Variants in PRG4 observed in about 807,000 individuals in gnomAD.
PRG4 encodes proteoglycan 4.
PRG4 carries 61 observed loss-of-function variants against 91.2 expected under a neutral mutation model. The ratio of observed to expected loss-of-function variants is 0.67; its 90% CI spans 0.54 to 0.83. The LOEUF (loss-of-function observed/expected upper bound fraction) is 0.83, where lower values mean the gene tolerates loss of function less well. Ranked by LOEUF, PRG4 falls within the 40% of genes least tolerant of loss-of-function variation. The pLI is 0.00. For synonymous variants in PRG4, 576 were observed against 614.2 expected, an observed-to-expected ratio of 0.94 and a Z score of 0.92; for missense variants, 1,564 against 1,714.2, an observed-to-expected ratio of 0.91 and a Z score of 1.55.
chr1:186,306,885 C>T lies in PRG4; in HGVS notation c.1166C>T (p.Ala389Val). Residue 389 changes from alanine to valine, a missense_variant, in exon 7 of 13, where the codon GCA becomes GTA. By Grantham distance (64) the Ala-to-Val change is moderately conservative. Around this residue, in one of 3 missense-constraint regions of PRG4, gnomAD observed 437 missense variants for 459.0 expected, o/e 0.95. Transcript: ENST00000445192. Reference protein sequence around the residue: ...KEPAPTTTKSAPTTPKEPAPT... With the variant: ...KEPAPTTTKSVPTTPKEPAPT... ...CCTGCACCCACCACCACCAAGTCTG[C>T]ACCCACCACTCCCAAGGAGCCTGCA... 1.2e-6 allele frequency: 2 copies of T among 1,610,274 alleles called. No individual in the cohort carries two copies. Among genetic ancestry groups the T allele is most frequent in the Non-Finnish European group, 1.7e-6 (2 of 1,178,608 alleles).
In PRG4 at chr1:186,304,917, T is replaced by C; in HGVS notation, c.593T>C (p.Leu198Pro). 6.2e-7 allele frequency: 1 copy of C among 1,613,070 alleles called. No homozygotes were observed. The highest frequency in any genetic ancestry group is 1.1e-5 in the South Asian group (1 of 91,002). The change falls in exon 6 of 13, where the codon CTC becomes CCC. Residue 198 changes from leucine (L) to proline (P), a missense_variant. This residue lies in a region of PRG4 where 437 missense variants were observed against 459.0 expected (regional missense o/e 0.95). Transcript: ENST00000445192. ...SAANRELQKK[L>P]KVKDNKKNRT... is the part of the protein sequence containing the mutation. ...GCTAATAGAGAATTACAGAAGAAAC[T>C]CAAAGGTTTGAGCATTGATAAAGAT...
Position 186,308,077 on chromosome 1 carries a change from C to A in PRG4, c.2358C>A (p.Leu786=). 1 of 1,610,348 alleles carries A rather than the reference C, an allele frequency of 6.2e-7. No individual in the cohort carries two copies. Among genetic ancestry groups the A allele is most frequent in the East Asian group, 2.2e-5 (1 of 44,742 alleles). The change falls in exon 7 of 13, where the codon CTC becomes CTA. Residue 786 remains leucine (L), a synonymous_variant. Coordinates refer to ENST00000445192, the MANE Select transcript of PRG4 (RefSeq NM_005807.6). ...TTPKGTAPTT[L]KEPAPTTPKK... is the part of the protein sequence containing the mutation. ...CTAAGGGGACTGCTCCAACTACCCT[C>A]AAGGAACCTGCACCCACTACTCCCA...
In PRG4 at chr1:186,308,365, A is replaced by G. The variant is rs1557955703; in HGVS notation, c.2646A>G (p.Ala882=). The G allele has an allele frequency of 6.2e-7, 1 of 1,614,014 alleles. No individual in the cohort carries two copies. The highest frequency in any genetic ancestry group is 2.2e-5 in the East Asian group (1 of 44,892). ...SPDESTPELS[A]EPTPKALENS... is the part of the protein sequence containing the mutation. ...ATGAATCAACTCCTGAGCTTTCTGC[A>G]GAACCCACACCAAAAGCTCTTGAAA... The change falls in exon 7 of 13, where the codon GCA becomes GCG. Residue 882 remains alanine (A), a synonymous_variant. Transcript: ENST00000445192.
At chr1:186,311,691 TA>T in intron 10 of PRG4, 95 bp downstream of exon 10, 1 of 1,282,216 alleles carries the variant, frequency 7.8e-7, no homozygotes, top group Non-Finnish European at 1.1e-6. Flanking sequence ...AAGATATCTT[TA>T]ATGGCTGAAA....
Position 186,314,069 on chromosome 1 carries a change from A to T in PRG4, c.*291A>T, listed in dbSNP as rs186150247. On this transcript the variant is annotated 3_prime_UTR_variant, in exon 13 of 13. Coordinates refer to ENST00000445192, the MANE Select transcript of PRG4 (RefSeq NM_005807.6). The stretch of plus-strand genomic sequence containing the variant: ...ATCAAATTGAATATATCTTTTAAGA[A>T]TTCAAAACTAGTGTATTCACTTACC... The T allele has an allele frequency of 6.4e-7, 1 of 1,567,496 alleles. No homozygotes were observed.
rs114237256 is a variant in PRG4 at position 186,308,162 on chromosome 1, T to A, written c.2443T>A (p.Ser815Thr). 1.0e-3 allele frequency: 1,604 copies of A among 1,584,942 alleles called. 11 individuals are homozygous for A. The African/African-American group carries it at 0.023, about 22-fold the overall frequency. ...TTTKGPTSTT[S>T]DKPAPTTPKE... Reference sequence around the variant, plus strand: ...CACCAAGGGGCCCACATCCACCACCTCTGACAAGCCTGCTCCAACTACACC... The same window carrying A: ...CACCAAGGGGCCCACATCCACCACCACTGACAAGCCTGCTCCAACTACACC... The change falls in exon 7 of 13, where the codon TCT (serine) becomes ACT (threonine). Residue 815 changes from serine (S) to threonine (T), a missense_variant. Ser to Thr is a moderately conservative substitution (Grantham distance 58, BLOSUM62 1). Coordinates refer to ENST00000445192, the MANE Select transcript of PRG4 (RefSeq NM_005807.6).
chr1:186,297,931 C>A (rs2102006437), intron 2 of PRG4, among the ~76,000 whole-genome samples: 1 of 152,328 alleles, frequency 6.6e-6, no homozygotes, highest in East Asian at 1.9e-4. Flanking sequence ...ATGATGACTA[C>A]TCCAGTATCT....
At position 186,296,889 on chromosome 1, in the gene PRG4, C is replaced by T. The variant is rs1474356792; in HGVS notation, c.14C>T (p.Thr5Ile). The part of the protein sequence containing the change: MAWK[T>I]LPIYLLLLLS... ...CTGAAAACAACGATGGCATGGAAAA[C>T]ACTTCCCATTTACCTGTTGTTGCTG... The change falls in exon 2 of 13, where the codon ACA (threonine) becomes ATA (isoleucine). Residue 5 changes from threonine (T) to isoleucine (I), a missense_variant. By Grantham distance (89) the Thr-to-Ile change is moderately conservative. Coordinates refer to ENST00000445192, the MANE Select transcript of PRG4 (RefSeq NM_005807.6). The T allele has an allele frequency of 6.2e-7, 1 of 1,613,714 alleles. No homozygotes were observed. Among genetic ancestry groups the T allele is most frequent in the African/African-American group, 1.3e-5 (1 of 74,916 alleles).
chr1:186,311,995 A>G (rs1490466799), intron 10 of PRG4, 180 bp from the exon 11 acceptor site: 1 of 590,358 alleles, frequency 1.7e-6, no homozygotes, highest in African/African-American at 1.9e-5. Context: ...TTCAACAAGT[A>G]TTTCAGTTTA....
chr1:186,306,919 CA>C lies in PRG4; in HGVS notation c.1201del (p.Thr401ProfsTer511). On this transcript the variant is annotated frameshift_variant, in exon 7 of 13. Transcript: ENST00000445192. LOFTEE classifies it high-confidence loss of function. Reference sequence around the variant, plus strand: ...CTCCCAAGGAGCCTGCACCCACCACCACCAAGGAGCCTGCACCCACCACTCC... The same window carrying C: ...CTCCCAAGGAGCCTGCACCCACCACCCCAAGGAGCCTGCACCCACCACTCC... ...TTPKEPAPTT[T>X]KEPAPTTPKE... The C allele has an allele frequency of 6.3e-7, 1 of 1,598,924 alleles. No homozygotes were observed. The highest frequency in any genetic ancestry group is 8.5e-7 in the Non-Finnish European group (1 of 1,174,926).
intron 3 of PRG4, among the ~76,000 whole-genome samples, chr1:186,300,801 T>C (rs1164494965): frequency 2.6e-5 from 4 of 152,224 alleles, no homozygotes; most frequent in African/African-American, 9.6e-5. Context: ...TGAATATATT[T>C]TGGGCCATTT....
chr1:186,312,878 C>T lies in PRG4; in HGVS notation c.4101C>T (p.Tyr1367=), dbSNP rs1388040598. 41 of 1,612,372 alleles carry T rather than the reference C, an allele frequency of 2.5e-5. No individual in the cohort carries two copies. Among genetic ancestry groups the T allele is most frequent in the Admixed American group, 6.7e-5 (4 of 60,000 alleles). ...PNIRKPDGYD[Y]YAFSKDQYYN... is the part of the protein sequence containing the mutation. ...TCAGAAAACCTGACGGCTATGATTA[C>T]TATGCCTTTTCTAAAGGTAAGGTAT... The change falls in exon 12 of 13, where the codon TAC becomes TAT. Residue 1367 remains tyrosine (Y), a synonymous_variant. Transcript: ENST00000445192.
At position 186,308,016 on chromosome 1, in the gene PRG4, C is replaced by T; in HGVS notation, c.2297C>T (p.Ala766Val). 1 of 1,610,016 alleles carries T rather than the reference C, an allele frequency of 6.2e-7. No homozygotes were observed. Among genetic ancestry groups the T allele is most frequent in the Non-Finnish European group, 8.5e-7 (1 of 1,179,032 alleles). The stretch of plus-strand genomic sequence containing the variant: ...GCTCCAACTACCCCTAAGGAGCCTG[C>T]TCCAACTACCCCTAAGGAGCCTGCT... ...GTAPTTPKEP[A>V]PTTPKEPAPT... Residue 766 changes from alanine (A) to valine (V), a missense_variant, in exon 7 of 13, where the codon GCT becomes GTT. Physicochemically the swap from Ala to Val is moderately conservative, Grantham distance 64 (BLOSUM62 0). This residue lies in a region of PRG4 where 1,079 missense variants were observed against 1,162.2 expected (regional missense o/e 0.93). Coordinates refer to ENST00000445192, the MANE Select transcript of PRG4 (RefSeq NM_005807.6).
chr1:186,307,504 C>T lies in PRG4; in HGVS notation c.1785C>T (p.Thr595=), dbSNP rs1656760855. ...CCACTCCCAAGGAACCTGCACCCACCACCACCAAGAAGCCTGCACCCACCA... is the reference window on the plus strand; with the variant it reads ...CCACTCCCAAGGAACCTGCACCCACTACCACCAAGAAGCCTGCACCCACCA... ...APTTPKEPAP[T]TTKKPAPTTP... is the part of the protein sequence containing the mutation. Residue 595 remains threonine, a synonymous_variant, in exon 7 of 13, where the codon ACC becomes ACT. Transcript: ENST00000445192. 2 of 1,563,908 alleles carry T rather than the reference C, an allele frequency of 1.3e-6. No individual in the cohort carries two copies. Among genetic ancestry groups the T allele is most frequent in the Non-Finnish European group, 8.7e-7 (1 of 1,145,670 alleles).
chr1:186,299,327 A>C (rs1656052848), intron 2 of PRG4, among the ~76,000 whole-genome samples: 1 of 152,238 alleles, frequency 6.6e-6, no homozygotes, highest in Non-Finnish European at 1.5e-5. Context: ...CATTTTAAAA[A>C]TCCAGTTATC....
rs1455812493 is a variant in PRG4, at chr1:186,308,225, C to T, written c.2506C>T (p.Pro836Ser). The T allele has an allele frequency of 6.2e-7, 1 of 1,613,964 alleles. No individual in the cohort carries two copies. Among genetic ancestry groups the T allele is most frequent in the East Asian group, 2.2e-5 (1 of 44,866 alleles). Reference sequence around the variant, plus strand: ...TCCAACTACCCCCAAGGAGCCTGCACCCACTACCCCCAAGAAGCCTGCTCC... The same window carrying T: ...TCCAACTACCCCCAAGGAGCCTGCATCCACTACCCCCAAGAAGCCTGCTCC... Reference protein sequence around the residue: ...TAPTTPKEPAPTTPKKPAPTT... With the variant: ...TAPTTPKEPASTTPKKPAPTT... The change falls in exon 7 of 13, where the codon CCC becomes TCC. Residue 836 changes from proline to serine, a missense_variant. Pro to Ser is a moderately conservative substitution (Grantham distance 74, BLOSUM62 -1). Coordinates refer to ENST00000445192, the MANE Select transcript of PRG4 (RefSeq NM_005807.6).
chr1:186,309,399 A>G (rs911620596), intron 7 of PRG4, among the ~76,000 whole-genome samples: 26 of 152,220 alleles, frequency 1.7e-4, no homozygotes, highest in African/African-American at 6.0e-4. Context: ...AGTCAAAAAA[A>G]TTTAGTTCGG....
chr1:186,299,479 CTGG>C (rs1656062671), intron 2 of PRG4, among the ~76,000 whole-genome samples: 1 of 152,212 alleles, frequency 6.6e-6, no homozygotes, highest in East Asian at 1.9e-4. Flanking sequence ...AGTTCAAATT[CTGG>C]ATGGATTGTT....
In PRG4 at chr1:186,311,796, C is replaced by T. The variant is rs991109990; in HGVS notation, c.3793+200C>T. 1.9e-5 allele frequency: 12 copies of T among 639,030 alleles called. No individual in the cohort carries two copies. The East Asian group carries it at 3.1e-4, about 16-fold the overall frequency. 39.6% of individuals were successfully genotyped at this position (639,030 alleles called of 1,614,324 possible). A position where few individuals can be genotyped will look rare whatever the true frequency, so the allele number is the denominator to read the frequency against. On this transcript the variant is annotated intron_variant, in intron 10 of 12. Transcript: ENST00000445192. ...ATTTCTTCACAGGCAAGTCACAATT[C>T]ATTTGAGTTTTCAGGTCACTGATAG... is the stretch of plus-strand genomic sequence containing the variant.
Sources: gnomAD v4.1 joint callset for allele counts (sites outside exome capture counted in the v4.1 genomes callset) on GRCh38, gnomAD v4.1.1 for gene constraint, gnomAD v4.1.1 regional missense constraint, MANE v1.5 for transcripts, NCBI Gene and HGNC (gene_info 2026-07-23, HGNC 2026-07-21) for gene names.